PDXDC1: variants seen among roughly 807,000 people sequenced by gnomAD.
The protein encoded by PDXDC1 is pyridoxal dependent decarboxylase domain containing 1.
A neutral mutation model predicts 100.1 loss-of-function variants in PDXDC1; 42 were observed. The ratio of observed to expected loss-of-function variants is 0.42; its 90% confidence interval spans 0.33 to 0.54. The LOEUF (loss-of-function observed/expected upper bound fraction) is 0.54, where lower values mean the gene tolerates loss of function less well. Ranked by LOEUF, PDXDC1 falls within the 20% of genes least tolerant of loss-of-function variation. The pLI, the probability that PDXDC1 is intolerant of heterozygous loss-of-function variation, is 0.10. For missense variants in PDXDC1, 636 were observed against 979.2 expected, an observed-to-expected ratio of 0.65 and a Z score of 4.68; for synonymous variants, 260 against 371.7, an observed-to-expected ratio of 0.70 and a Z score of 3.46.
chr16:14,995,788 G>C (rs1388142045), intron 1 of PDXDC1, among the ~76,000 whole-genome samples: 1 of 152,278 alleles, frequency 6.6e-6, no homozygotes, highest in Non-Finnish European at 1.5e-5. Flanking sequence ...TTTTTGGTTG[G>C]TAAGCTCTTA....
chr16:15,098,668 C>T (rs560701770), intron 16 of PDXDC1, among the ~76,000 whole-genome samples: 11 of 151,828 alleles, frequency 7.2e-5, no homozygotes, highest in African/African-American at 2.2e-4. Flanking sequence ...CACCTGAGGT[C>T]GGGAGTTCGA....
chr16:15,004,693 G>A (rs1412091858), intron 5 of PDXDC1, among the ~76,000 whole-genome samples: 1 of 152,352 alleles, frequency 6.6e-6, no homozygotes, highest in East Asian at 1.9e-4. Flanking sequence ...ATCCTTGGGT[G>A]TCCTTGGGGG....
the PDXDC1 span, among the ~76,000 whole-genome samples, chr16:15,148,983 G>A: frequency 1.1e-4 from 16 of 152,194 alleles, no homozygotes; most frequent in African/African-American, 2.2e-4. Context: ...CGTTTCTCAC[G>A]CAGGCACGTT....
intron 6 of PDXDC1, among the ~76,000 whole-genome samples, chr16:15,008,023 T>C (rs541102846): frequency 6.6e-6 from 1 of 152,286 alleles, no homozygotes; most frequent in South Asian, 2.1e-4. Flanking sequence ...GGTGGATTGG[T>C]GGCTTATAGG....
At chr16:15,052,872 C>T (rs954679215) in intron 16 of PDXDC1, among the ~76,000 whole-genome samples, 7 of 152,156 alleles carry the variant, frequency 4.6e-5, no homozygotes, top group East Asian at 1.9e-4. Context: ...AACTAAGCTA[C>T]GCTGCGAGCA....
At chr16:15,079,930 C>T (rs1388241627) in intron 16 of PDXDC1, 12 of 1,450,240 alleles carry the variant, frequency 8.3e-6, no homozygotes, top group South Asian at 2.6e-5. Flanking sequence ...ACTATTGTTT[C>T]CACATACTGT....
intron 16 of PDXDC1, chr16:15,127,816 G>A: frequency 6.4e-7 from 1 of 1,562,048 alleles, no homozygotes; most frequent in African/African-American, 1.4e-5. Flanking sequence ...GTCCCATATG[G>A]AGAGCCAGAT....
At chr16:15,127,833 G>A in intron 16 of PDXDC1, 1 of 1,563,712 alleles carries the variant, frequency 6.4e-7, no homozygotes, top group South Asian at 1.2e-5. Context: ...AGATGTGCTT[G>A]TCAAAGAAGC....
intron 16 of PDXDC1, among the ~76,000 whole-genome samples, chr16:15,114,021 CTA>C (rs1249325557): frequency 3.0e-5 from 3 of 98,980 alleles, no homozygotes; most frequent in East Asian, 3.4e-4. Context: ...TATGCCTGTT[CTA>C]TGTTTTTCTT....
intron 1 of PDXDC1, among the ~76,000 whole-genome samples, chr16:14,985,104 C>G (rs565389034): frequency 1.4e-4 from 21 of 152,310 alleles, no homozygotes; most frequent in South Asian, 6.2e-4. Context: ...GTCTCGAACT[C>G]CTGACTTCGT....
intron 16 of PDXDC1, chr16:15,136,571 T>C (rs2048351923): frequency 1.0e-6 from 1 of 978,838 alleles, no homozygotes; most frequent in Admixed American, 2.1e-5. Context: ...AGGCACCTGG[T>C]GACCCGGGAG....
the PDXDC1 span, among the ~76,000 whole-genome samples, chr16:15,144,433 C>T: frequency 2.0e-5 from 3 of 152,166 alleles, no homozygotes; most frequent in South Asian, 2.1e-4. Flanking sequence ...CTGCTGGCTC[C>T]GCCTACCACT....
At chr16:15,126,716 G>A (rs2047753343) in intron 16 of PDXDC1, 1 of 121,600 alleles carries the variant, frequency 8.2e-6, no homozygotes, top group African/African-American at 2.9e-5. Context: ...GAGTGCAGTG[G>A]CGCAATCTCG....
chr16:15,010,891 A>C (rs1239033136), intron 8 of PDXDC1, among the ~76,000 whole-genome samples: 6 of 152,286 alleles, frequency 3.9e-5, no homozygotes, highest in Non-Finnish European at 8.8e-5. Context: ...AAATATATGC[A>C]AGATCTGTAC....
At chr16:15,046,125 T>A (rs1057164871) in intron 16 of PDXDC1, 5 of 152,210 alleles carry the variant, frequency 3.3e-5, no homozygotes, top group African/African-American at 1.2e-4. Flanking sequence ...GCCAAGATGA[T>A]AGGAAAATGA....
chr16:15,009,498 G>A, intron 7 of PDXDC1, 183 bp from the exon 8 acceptor site: 2 of 1,059,452 alleles, frequency 1.9e-6, no homozygotes, highest in South Asian at 4.1e-5. Context: ...GATTTTTCTA[G>A]TCTTCAAGGA....
In PDXDC1 at chr16:15,001,918, G is replaced by A. The variant is rs9940936; in HGVS notation, c.242+62G>A. The A allele has an allele frequency of 1.5e-3, 2,028 of 1,388,078 alleles. No homozygotes were observed. The African/African-American group carries it at 0.026, about 18-fold the overall frequency. 86.0% of individuals were successfully genotyped at this position (1,388,078 alleles called of 1,614,324 possible). Reference sequence around the variant, plus strand: ...TGTTCTTGATTTCAGTAGTGATTGCGCTCTGACAAGTTGCTCAAATAAGAA... The same window carrying A: ...TGTTCTTGATTTCAGTAGTGATTGCACTCTGACAAGTTGCTCAAATAAGAA... On this transcript the variant is annotated intron_variant, in intron 4 of 22. Coordinates refer to ENST00000396410, the MANE Select transcript of PDXDC1 (RefSeq NM_015027.4).
At chr16:15,096,117 T>G (rs867014206) in intron 16 of PDXDC1, among the ~76,000 whole-genome samples, 8 of 147,836 alleles carry the variant, frequency 5.4e-5, no homozygotes, top group Admixed American at 6.8e-5. Context: ...TTGTTTTTTG[T>G]TTTTTTTTTG....
intron 19 of PDXDC1, 92 bp downstream of exon 19, chr16:15,033,491 C>T: frequency 7.2e-7 from 1 of 1,396,150 alleles, no homozygotes; most frequent in East Asian, 2.3e-5. Context: ...CTTGGGATGT[C>T]TGTTCGTTGT....
Sources: allele counts gnomAD v4.1 joint callset (sites outside exome capture counted in the v4.1 genomes callset), GRCh38; gene constraint gnomAD v4.1.1; transcripts MANE v1.5; gene names NCBI Gene and HGNC (gene_info 2026-07-23, HGNC 2026-07-21).